The following MATCAP2 variants were observed in gnomAD, a reference collection of about 807,000 sequenced individuals.
The protein encoded by MATCAP2 is putative tyrosine carboxypeptidase MATCAP2.
chr7:36,363,435 C>T, the MATCAP2 span, among the ~76,000 whole-genome samples: 1 of 152,144 alleles, frequency 6.6e-6, no homozygotes, highest in Non-Finnish European at 1.5e-5. Context: ...ATTTTGAAAA[C>T]AACAAATTTT....
At chr7:36,367,268 T>C in the MATCAP2 span, 81 of 1,045,416 alleles carry the variant, frequency 7.7e-5, no homozygotes, top group Non-Finnish European at 9.2e-5. Context: ...CGCGCTGCGC[T>C]TCACGGAGCC....
chr7:36,357,045 T>C, the MATCAP2 span: 1 of 1,614,202 alleles, frequency 6.2e-7, no homozygotes, highest in South Asian at 1.1e-5. Context: ...GTGGGTTTTA[T>C]AGCAGTCAAT....
At chr7:36,342,138 A>C in the MATCAP2 span, among the ~76,000 whole-genome samples, 2 of 151,822 alleles carry the variant, frequency 1.3e-5, no homozygotes. Context: ...ACTAAAACAC[A>C]CAATGTTTTG....
the MATCAP2 span, among the ~76,000 whole-genome samples, chr7:36,358,490 G>GT: frequency 1.3e-5 from 2 of 152,102 alleles, no homozygotes; most frequent in African/African-American, 2.4e-5. Flanking sequence ...AAAAACAAGG[G>GT]TTTTTTCTTG....
the MATCAP2 span, among the ~76,000 whole-genome samples, chr7:36,361,555 A>G: frequency 6.6e-6 from 1 of 152,226 alleles, no homozygotes; most frequent in Non-Finnish European, 1.5e-5. Flanking sequence ...AATAATCCCC[A>G]AACAAGATAA....
At chr7:36,341,650 C>A in the MATCAP2 span, among the ~76,000 whole-genome samples, 1 of 152,160 alleles carries the variant, frequency 6.6e-6, no homozygotes, top group Admixed American at 6.5e-5. Context: ...TGCCTGTAAT[C>A]CCAGCACCTT....
chr7:36,358,016 G>A, the MATCAP2 span, among the ~76,000 whole-genome samples: 1 of 152,054 alleles, frequency 6.6e-6, no homozygotes, highest in Non-Finnish European at 1.5e-5. Context: ...GGCCAACATG[G>A]TGAAACCCTG....
the MATCAP2 span, among the ~76,000 whole-genome samples, chr7:36,369,108 T>C: frequency 3.3e-4 from 51 of 152,310 alleles, no homozygotes; most frequent in Middle Eastern, 3.4e-3. Context: ...TGATTTTTGT[T>C]TGTTCACTGC....
chr7:36,382,421 T>C, the MATCAP2 span, among the ~76,000 whole-genome samples: 1 of 152,164 alleles, frequency 6.6e-6, no homozygotes, highest in Non-Finnish European at 1.5e-5. Flanking sequence ...AACACTGGCT[T>C]CTGTTACTTC....
the MATCAP2 span, among the ~76,000 whole-genome samples, chr7:36,350,518 G>A: frequency 6.9e-6 from 1 of 144,368 alleles, no homozygotes; most frequent in Non-Finnish European, 1.5e-5. Context: ...CATTGGCCTG[G>A]ACGGACTGTG....
the MATCAP2 span, among the ~76,000 whole-genome samples, chr7:36,378,132 A>G: frequency 2.0e-5 from 3 of 152,216 alleles, no homozygotes; most frequent in South Asian, 2.1e-4. Flanking sequence ...TCTCTGTCCA[A>G]CTTTGTTCCG....
At chr7:36,330,679 A>G in the MATCAP2 span, among the ~76,000 whole-genome samples, 1 of 152,084 alleles carries the variant, frequency 6.6e-6, no homozygotes, top group Non-Finnish European at 1.5e-5. Flanking sequence ...TTATGGGGGG[A>G]AGTGTTTTAG....
chr7:36,353,316 A>C, the MATCAP2 span, among the ~76,000 whole-genome samples: 1 of 152,236 alleles, frequency 6.6e-6, no homozygotes, highest in African/African-American at 2.4e-5. Context: ...GACAGGGCTA[A>C]TTTTACAGGT....
At chr7:36,377,784 GA>G in the MATCAP2 span, among the ~76,000 whole-genome samples, 1 of 152,114 alleles carries the variant, frequency 6.6e-6, no homozygotes, top group South Asian at 2.1e-4. Context: ...ATATTTCTTG[GA>G]GGCTTTGTTC....
chr7:36,383,739 C>T, the MATCAP2 span: 3 of 600,922 alleles, frequency 5.0e-6, no homozygotes, highest in Middle Eastern at 3.2e-4. Flanking sequence ...GTTCAGCAAA[C>T]CACCATGGCA....
chr7:36,354,289 G>T, the MATCAP2 span, among the ~76,000 whole-genome samples: 35 of 152,188 alleles, frequency 2.3e-4, no homozygotes, highest in Admixed American at 2.2e-3. Flanking sequence ...CTGAGGCCTG[G>T]AACTCCTTGA....
chr7:36,378,658 GC>G, the MATCAP2 span, among the ~76,000 whole-genome samples: 1 of 152,226 alleles, frequency 6.6e-6, no homozygotes, highest in Admixed American at 6.5e-5. Flanking sequence ...GTTTAAGTCT[GC>G]AGAAGTTTCT....
At chr7:36,330,042 CT>C in the MATCAP2 span, among the ~76,000 whole-genome samples, 313 of 109,534 alleles carry the variant, frequency 2.9e-3, 3 homozygotes, top group Admixed American at 5.0e-3. Context: ...CTGTGCCGAT[CT>C]TTTTTTTTTT....
chr7:36,387,695 T>C, the MATCAP2 span, among the ~76,000 whole-genome samples: 1 of 152,182 alleles, frequency 6.6e-6, no homozygotes, highest in African/African-American at 2.4e-5. Flanking sequence ...CATAGTGGGA[T>C]GGTGAGGGAA....
Sources: gnomAD v4.1 joint callset for allele counts (sites outside exome capture counted in the v4.1 genomes callset) on GRCh38, gnomAD v4.1.1 for gene constraint, MANE v1.5 for transcripts, NCBI Gene and HGNC (gene_info 2026-07-23, HGNC 2026-07-21) for gene names.